The following GPHN variants were observed in gnomAD, a reference collection of about 807,000 sequenced individuals.
GPHN encodes the protein gephyrin.
Under a neutral mutation model 95.5 loss-of-function variants are expected in GPHN, and 17 were observed. The ratio of observed to expected loss-of-function variants is 0.18; its 90% confidence interval spans 0.12 to 0.27. The LOEUF (loss-of-function observed/expected upper bound fraction) is 0.27, where lower values mean the gene tolerates loss of function less well. Ranked by LOEUF, GPHN falls within the 10% of genes least tolerant of loss-of-function variation. GPHN has a pLI of 1.00. For synonymous variants in GPHN, 320 were observed against 322.5 expected (o/e 0.99, Z 0.08); for missense variants, 660 against 978.1 (o/e 0.67, Z 4.34).
chr14:67,648,283 GA>G, the GPHN span: 74 of 1,399,882 alleles, frequency 5.3e-5, no homozygotes, highest in Non-Finnish European at 6.9e-5. Context: ...CATCATTGCA[GA>G]GTTTGTTTTT....
intron 2 of GPHN, among the ~76,000 whole-genome samples, chr14:66,706,422 G>C (rs534740000): frequency 6.6e-6 from 1 of 152,136 alleles, no homozygotes; most frequent in South Asian, 2.1e-4. Context: ...ATACTACAAG[G>C]CTACAATAAT....
intron 8 of GPHN, among the ~76,000 whole-genome samples, chr14:66,942,035 G>T (rs1183075061): frequency 6.6e-6 from 1 of 152,152 alleles, no homozygotes; most frequent in Non-Finnish European, 1.5e-5. Context: ...TTTTGAGACA[G>T]AGTTTTGCTC....
chr14:67,261,944 A>G, the GPHN span, among the ~76,000 whole-genome samples: 2 of 152,152 alleles, frequency 1.3e-5, no homozygotes, highest in African/African-American at 2.4e-5. Flanking sequence ...TTTAAAGGCA[A>G]AAAAAGGATG....
chr14:66,711,465 T>C (rs145772409), intron 2 of GPHN, among the ~76,000 whole-genome samples: 2,023 of 152,252 alleles, frequency 0.013, 20 homozygotes, highest in Middle Eastern at 0.02. Flanking sequence ...GTTCGTTCCA[T>C]GATTTTGCAG....
chr14:67,270,246 T>G, the GPHN span: 2 of 152,220 alleles, frequency 1.3e-5, no homozygotes, highest in Admixed American at 6.5e-5. Flanking sequence ...CTCCCGCAAC[T>G]AAAACCCTTT....
chr14:66,541,513 T>A (rs1408466650), intron 1 of GPHN, among the ~76,000 whole-genome samples: 2 of 152,166 alleles, frequency 1.3e-5, no homozygotes, highest in Admixed American at 6.5e-5. Context: ...TGAAGAAGGT[T>A]AAGTTTATAT....
chr14:67,191,986 AG>A, the GPHN span, among the ~76,000 whole-genome samples: 1 of 152,206 alleles, frequency 6.6e-6, no homozygotes, highest in African/African-American at 2.4e-5. Context: ...GAAAGGATTG[AG>A]GGGGAGAAAA....
the GPHN span, among the ~76,000 whole-genome samples, chr14:67,478,617 C>G: frequency 6.6e-6 from 1 of 152,214 alleles, no homozygotes; most frequent in Non-Finnish European, 1.5e-5. Context: ...GCTCAAACCC[C>G]TGGGGACGGC....
chr14:67,158,077 C>T (rs1174198766), intron 18 of GPHN, among the ~76,000 whole-genome samples: 2 of 151,734 alleles, frequency 1.3e-5, no homozygotes, highest in African/African-American at 2.4e-5. Flanking sequence ...GAGGCCGAGA[C>T]GGGTGGATCA....
At chr14:66,862,138 C>CA (rs1351490204) in intron 4 of GPHN, among the ~76,000 whole-genome samples, 1 of 151,692 alleles carries the variant, frequency 6.6e-6, no homozygotes, top group African/African-American at 2.4e-5. Context: ...TAAACAAAAT[C>CA]AAAAATGGAA....
At chr14:66,719,843 T>C (rs1172745327) in intron 2 of GPHN, among the ~76,000 whole-genome samples, 1 of 152,198 alleles carries the variant, frequency 6.6e-6, no homozygotes, top group African/African-American at 2.4e-5. Context: ...TCAAAAAGTG[T>C]AATAGTTGCA....
the GPHN span, chr14:67,388,382 A>G: frequency 1.2e-6 from 1 of 845,470 alleles, no homozygotes; most frequent in Non-Finnish European, 2.1e-6. Flanking sequence ...AACTCAGGCC[A>G]GCTAAAGAAG....
the GPHN span, among the ~76,000 whole-genome samples, chr14:67,245,384 A>G: frequency 1.3e-5 from 2 of 152,078 alleles, no homozygotes; most frequent in African/African-American, 2.4e-5. Flanking sequence ...CATTTCCCCC[A>G]TGACTGAGGA....
chr14:67,509,080 A>G, the GPHN span, among the ~76,000 whole-genome samples: 2 of 152,128 alleles, frequency 1.3e-5, no homozygotes, highest in Admixed American at 1.3e-4. Flanking sequence ...AATGTTGCCC[A>G]AACAGACCGT....
intron 17 of GPHN, among the ~76,000 whole-genome samples, chr14:67,127,172 G>A (rs1343916295): frequency 6.6e-6 from 1 of 151,478 alleles, no homozygotes; most frequent in Non-Finnish European, 1.5e-5. Context: ...GTTAGTGGGT[G>A]CAGCGCACCA....
At chr14:67,729,361 CT>C in the GPHN span, 2 of 1,597,780 alleles carry the variant, frequency 1.3e-6, no homozygotes, top group Non-Finnish European at 1.7e-6. Context: ...CCTGGAGCCC[CT>C]GAGTGGCAAG....
At chr14:67,338,992 C>CTTTTT in the GPHN span, among the ~76,000 whole-genome samples, 2 of 131,158 alleles carry the variant, frequency 1.5e-5, no homozygotes, top group African/African-American at 2.8e-5. Context: ...AGACAGAAGC[C>CTTTTT]TTTTTTTTTT....
the GPHN span, among the ~76,000 whole-genome samples, chr14:67,318,975 G>A: frequency 6.6e-6 from 1 of 151,894 alleles, no homozygotes; most frequent in South Asian, 2.1e-4. Flanking sequence ...GGAGAATGGC[G>A]TGAACCCGGG....
At chr14:67,480,684 C>G in the GPHN span, among the ~76,000 whole-genome samples, 1 of 152,188 alleles carries the variant, frequency 6.6e-6, no homozygotes, top group Non-Finnish European at 1.5e-5. Flanking sequence ...CTCTTCCAAC[C>G]CCCAGGGCCC....
Sources: allele counts gnomAD v4.1 joint callset (sites outside exome capture counted in the v4.1 genomes callset), GRCh38; gene constraint gnomAD v4.1.1; transcripts MANE v1.5; gene names NCBI Gene and HGNC (gene_info 2026-07-23, HGNC 2026-07-21).